The following ME3 variants were observed in gnomAD, a reference collection of about 807,000 sequenced individuals.
ME3 encodes the protein NADP-dependent malic enzyme, mitochondrial.
ME3 carries 48 observed loss-of-function variants against 68.9 expected under a neutral mutation model. That is an observed-to-expected ratio of 0.70 (90% CI 0.55 to 0.89). The LOEUF is 0.89. Among genes scored for constraint, ME3 ranks in the 40% least tolerant of loss-of-function variants. The pLI is 0.00. For missense variants in ME3, 675 were observed against 797.4 expected (o/e 0.85, Z 1.85); for synonymous variants, 320 against 318.8 (o/e 1.00, Z -0.04).
chr11:86,652,583 T>G (rs1371211923), intron 2 of ME3, among the ~76,000 whole-genome samples: 1 of 151,530 alleles, frequency 6.6e-6, no homozygotes, highest in Admixed American at 6.6e-5. Flanking sequence ...CTAAAAGAGC[T>G]CCTGAGGGAA....
intron 2 of ME3, among the ~76,000 whole-genome samples, chr11:86,616,814 T>C (rs1254029613): frequency 1.3e-5 from 2 of 152,100 alleles, no homozygotes; most frequent in African/African-American, 2.4e-5. Context: ...GTACCTTGGA[T>C]TGGATCCTAG....
intron 6 of ME3, among the ~76,000 whole-genome samples, chr11:86,490,589 TAA>T (rs1951942100): frequency 6.6e-6 from 1 of 152,166 alleles, no homozygotes; most frequent in Admixed American, 6.5e-5. Context: ...GACAAATTTG[TAA>T]GAGACTATTT....
At chr11:86,654,746 G>A (rs1038310829) in intron 2 of ME3, among the ~76,000 whole-genome samples, 29 of 152,278 alleles carry the variant, frequency 1.9e-4, no homozygotes, top group African/African-American at 6.7e-4. Context: ...GTTCTGGCCA[G>A]GGCAATCAGG....
At chr11:86,655,193 A>G (rs1317824792) in intron 2 of ME3, among the ~76,000 whole-genome samples, 2 of 152,234 alleles carry the variant, frequency 1.3e-5, no homozygotes, top group East Asian at 1.9e-4. Flanking sequence ...TATAGATTCA[A>G]TGCTATCCCC....
chr11:86,632,316 C>A lies in ME3; in HGVS notation c.183+39446G>T, dbSNP rs530969452. Among the ~76,000 whole-genome samples the A allele has an allele frequency of 6.2e-4, 94 of 151,996 alleles. 1 individual carries two copies. Among genetic ancestry groups the A allele is most frequent in the African/African-American group, 2.2e-3 (92 of 41,456 alleles). On this transcript the variant is annotated intron_variant, in intron 2 of 14. Coordinates refer to ENST00000543262, the Ensembl canonical transcript of ME3. The stretch of plus-strand genomic sequence containing the variant: ...GTGGGGAACTGCCTGATCCGAGAGC[C>A]TAAATAGGGGAGTGAAGAAGGGAGA...
chr11:86,493,964 A>G (rs1952155408), intron 6 of ME3, among the ~76,000 whole-genome samples: 2 of 152,084 alleles, frequency 1.3e-5, no homozygotes, highest in African/African-American at 2.4e-5. Context: ...TAGAAGGCCA[A>G]GCTTCCCTCT....
At chr11:86,642,112 G>T (rs1003926345) in intron 2 of ME3, among the ~76,000 whole-genome samples, 2 of 152,218 alleles carry the variant, frequency 1.3e-5, no homozygotes, top group African/African-American at 2.4e-5. Flanking sequence ...AAAGGTTCAT[G>T]TTGCATGAAC....
At chr11:86,483,135 C>G (rs1444083769) in intron 7 of ME3, among the ~76,000 whole-genome samples, 1 of 152,162 alleles carries the variant, frequency 6.6e-6, no homozygotes, top group South Asian at 2.1e-4. Flanking sequence ...TAAATCTGAT[C>G]AGGGCACAGT....
At chr11:86,635,460 G>A (rs1207392060) in intron 2 of ME3, among the ~76,000 whole-genome samples, 1 of 152,186 alleles carries the variant, frequency 6.6e-6, no homozygotes, top group African/African-American at 2.4e-5. Flanking sequence ...ATGATAGCCT[G>A]CTGTGGTTTG....
chr11:86,532,301 C>T (rs1158864808), intron 4 of ME3, among the ~76,000 whole-genome samples: 2 of 151,368 alleles, frequency 1.3e-5, no homozygotes, highest in African/African-American at 4.9e-5. Context: ...CTCCAACTTT[C>T]AATAATAGAC....
chr11:86,604,228 G>A (rs994680916), intron 2 of ME3, among the ~76,000 whole-genome samples: 2 of 152,050 alleles, frequency 1.3e-5, no homozygotes, highest in Non-Finnish European at 2.9e-5. Context: ...GGCTGTAAAT[G>A]TTTCTTATTA....
At chr11:86,549,355 T>G (rs1046293536) in intron 4 of ME3, among the ~76,000 whole-genome samples, 1 of 152,240 alleles carries the variant, frequency 6.6e-6, no homozygotes, top group African/African-American at 2.4e-5. Flanking sequence ...CCTCTTTCCA[T>G]AATATTCCTT....
chr11:86,579,685 T>A (rs1166744016), intron 2 of ME3, among the ~76,000 whole-genome samples: 1 of 152,188 alleles, frequency 6.6e-6, no homozygotes, highest in Non-Finnish European at 1.5e-5. Flanking sequence ...TCCTTTAATC[T>A]CTATCCTCAA....
At chr11:86,496,769 T>C (rs561467878) in intron 6 of ME3, among the ~76,000 whole-genome samples, 1 of 152,054 alleles carries the variant, frequency 6.6e-6, no homozygotes, top group Admixed American at 6.5e-5. Context: ...ACCGACACTA[T>C]GGAATAATGG....
chr11:86,605,046 C>T (rs1358392540), intron 2 of ME3, among the ~76,000 whole-genome samples: 1 of 152,154 alleles, frequency 6.6e-6, no homozygotes, highest in African/African-American at 2.4e-5. Context: ...ACCAGTCTTT[C>T]TGTCTCTATA....
intron 7 of ME3, among the ~76,000 whole-genome samples, chr11:86,477,584 T>C (rs532068310): frequency 6.6e-6 from 1 of 152,362 alleles, no homozygotes; most frequent in South Asian, 2.1e-4. Flanking sequence ...GTTTCAGTTC[T>C]GGGGATGATT....
intron 3 of ME3, among the ~76,000 whole-genome samples, chr11:86,558,007 G>A (rs1287255714): frequency 6.6e-6 from 1 of 152,054 alleles, no homozygotes; most frequent in African/African-American, 2.4e-5. Context: ...TAAAATGAGG[G>A]ACTCCTGGAA....
At chr11:86,573,945 G>C (rs775411109) in intron 2 of ME3, among the ~76,000 whole-genome samples, 1 of 152,198 alleles carries the variant, frequency 6.6e-6, no homozygotes, top group Non-Finnish European at 1.5e-5. Flanking sequence ...ATTGATTTAT[G>C]TATGTTGAAC....
chr11:86,522,311 AT>A (rs543552314), intron 4 of ME3, among the ~76,000 whole-genome samples: 98 of 152,284 alleles, frequency 6.4e-4, no homozygotes, highest in African/African-American at 2.2e-3. Flanking sequence ...AATTAAAAAA[AT>A]GGTAAAAAAT....
Sources: allele counts gnomAD v4.1 joint callset (sites outside exome capture counted in the v4.1 genomes callset), GRCh38; gene constraint gnomAD v4.1.1; transcripts MANE v1.5; gene names NCBI Gene and HGNC (gene_info 2026-07-23, HGNC 2026-07-21).